NEBL: variants seen among roughly 807,000 people sequenced by gnomAD.
NEBL encodes the protein nebulette.
In NEBL, 122 loss-of-function variants were observed where a neutral mutation model predicts 140.2. The ratio of observed to expected loss-of-function variants is 0.87; its 90% CI spans 0.75 to 1.01. The LOEUF is 1.01. Ranked by LOEUF, NEBL falls within the 50% of genes least tolerant of loss-of-function variation. NEBL has a pLI of 0.00. For synonymous variants in NEBL, 436 were observed against 398.9 expected (o/e 1.09, Z -1.11); for missense variants, 1,365 against 1,231.3 (o/e 1.11, Z -1.62).
intron 2 of NEBL, among the ~76,000 whole-genome samples, chr10:21,151,054 C>T (rs8181308): frequency 0.04 from 6,063 of 152,076 alleles, 245 homozygotes; most frequent in East Asian, 0.2. Flanking sequence ...AAGGCAGAGA[C>T]GGGAAGGATG....
intron 2 of NEBL, among the ~76,000 whole-genome samples, chr10:21,033,020 C>T (rs1239742646): frequency 6.6e-6 from 1 of 152,182 alleles, no homozygotes; most frequent in African/African-American, 2.4e-5. Flanking sequence ...TACACACACA[C>T]ACACACCTAC....
At chr10:21,026,040 T>C (rs1301256619) in intron 2 of NEBL, among the ~76,000 whole-genome samples, 1 of 152,242 alleles carries the variant, frequency 6.6e-6, no homozygotes, top group Non-Finnish European at 1.5e-5. Flanking sequence ...AAAATATTCC[T>C]GGTTCTCTCA....
chr10:20,892,434 G>T (rs1214420345), intron 2 of NEBL, among the ~76,000 whole-genome samples: 2 of 152,202 alleles, frequency 1.3e-5, no homozygotes, highest in African/African-American at 2.4e-5. Flanking sequence ...CTGGGAGACT[G>T]ATAACACCCA....
chr10:21,062,283 G>C (rs540821676), intron 2 of NEBL, among the ~76,000 whole-genome samples: 151 of 152,160 alleles, frequency 9.9e-4, no homozygotes, highest in Non-Finnish European at 1.8e-3. Flanking sequence ...GTTAAGGGGA[G>C]GGGAAAGAAG....
chr10:21,013,104 C>A (rs765469783), intron 3 of NEBL, among the ~76,000 whole-genome samples: 4 of 152,122 alleles, frequency 2.6e-5, no homozygotes, highest in Non-Finnish European at 5.9e-5. Flanking sequence ...GGGTGGGGAT[C>A]TGACTTATGG....
At chr10:20,824,050 G>A (rs1839610099) in intron 18 of NEBL, among the ~76,000 whole-genome samples, 1 of 152,138 alleles carries the variant, frequency 6.6e-6, no homozygotes, top group Non-Finnish European at 1.5e-5. Flanking sequence ...CAAGCATACA[G>A]TTATGCACGG....
intron 2 of NEBL, among the ~76,000 whole-genome samples, chr10:21,021,999 G>A (rs1038717766): frequency 2.6e-5 from 4 of 152,072 alleles, no homozygotes; most frequent in African/African-American, 9.7e-5. Flanking sequence ...AACATTCAGC[G>A]GCCTCTTATG....
chr10:20,809,464 A>C (rs796912377), intron 25 of NEBL, among the ~76,000 whole-genome samples: 68 of 152,284 alleles, frequency 4.5e-4, no homozygotes, highest in African/African-American at 1.5e-3. Context: ...TCTACCTTTA[A>C]AAAATTATAA....
In NEBL at chr10:20,796,264, G is replaced by A. The variant is rs141612777; in HGVS notation, c.2762-8956C>T. Among the ~76,000 whole-genome samples, 377 of 148,516 alleles carry A rather than the reference G, an allele frequency of 2.5e-3. 9 individuals carry two copies. The East Asian group carries it at 0.068, about 27-fold the overall frequency. ...CGTTATCCCAGCTTCTCAGGAGGCT[G>A]AGGAGAATCGCTTGAACCCAGGAGG... On this transcript the variant is annotated intron_variant, in intron 26 of 27. Coordinates refer to ENST00000377122, the MANE Select transcript of NEBL (RefSeq NM_006393.3).
At chr10:21,264,751 T>TTGTTA (rs1172713344) in intron 1 of NEBL, among the ~76,000 whole-genome samples, 1 of 141,698 alleles carries the variant, frequency 7.1e-6, no homozygotes, top group Non-Finnish European at 1.5e-5. Context: ...ACTGGGTAAT[T>TTGTTA]TGTTAACATG....
chr10:20,823,771 A>C (rs1028017267), intron 18 of NEBL, among the ~76,000 whole-genome samples: 2 of 152,154 alleles, frequency 1.3e-5, no homozygotes, highest in African/African-American at 4.8e-5. Flanking sequence ...GAAATAAATA[A>C]GGAAATAAGG....
chr10:21,008,125 A>G (rs1838206380), intron 3 of NEBL, among the ~76,000 whole-genome samples: 1 of 152,172 alleles, frequency 6.6e-6, no homozygotes, highest in African/African-American at 2.4e-5. Flanking sequence ...ATATTATTAT[A>G]TACGTGTGTG....
intron 2 of NEBL, among the ~76,000 whole-genome samples, chr10:21,122,891 C>T (rs1838644478): frequency 6.6e-6 from 1 of 152,168 alleles, no homozygotes; most frequent in African/African-American, 2.4e-5. Context: ...TCCTAGTTTT[C>T]CTCCAGTGAA....
At chr10:20,853,624 C>T (rs918264046) in intron 9 of NEBL, among the ~76,000 whole-genome samples, 2 of 151,816 alleles carry the variant, frequency 1.3e-5, no homozygotes, top group African/African-American at 4.9e-5. Flanking sequence ...CCCAGTTCTA[C>T]AAAAAATAAA....
intron 3 of NEBL, among the ~76,000 whole-genome samples, chr10:21,211,991 TTCTC>T (rs1229305829): frequency 6.6e-6 from 1 of 151,284 alleles, no homozygotes; most frequent in Non-Finnish European, 1.5e-5. Context: ...AATCACTCAA[TTCTC>T]TCTCTCTCTT....
intron 4 of NEBL, among the ~76,000 whole-genome samples, chr10:20,907,776 T>C (rs1166878178): frequency 2.6e-5 from 4 of 152,154 alleles, no homozygotes; most frequent in Non-Finnish European, 5.9e-5. Context: ...AAAAACACAG[T>C]ATTTCTGATT....
intron 4 of NEBL, among the ~76,000 whole-genome samples, chr10:20,920,581 C>T (rs916008323): frequency 1.3e-5 from 2 of 151,962 alleles, no homozygotes; most frequent in African/African-American, 2.4e-5. Flanking sequence ...AGAATATATG[C>T]TATATGAACA....
At chr10:21,289,385 A>G (rs1275002625) in intron 1 of NEBL, among the ~76,000 whole-genome samples, 3 of 152,166 alleles carry the variant, frequency 2.0e-5, no homozygotes, top group Non-Finnish European at 4.4e-5. Context: ...TTTGATGTCA[A>G]TTTCAACCCA....
intron 3 of NEBL, among the ~76,000 whole-genome samples, chr10:21,212,497 A>G (rs950397784): frequency 6.6e-6 from 1 of 152,236 alleles, no homozygotes; most frequent in South Asian, 2.1e-4. Context: ...GATGGAAGGA[A>G]TAAACCAACA....
Sources: gnomAD v4.1 joint callset for allele counts (sites outside exome capture counted in the v4.1 genomes callset) on GRCh38, gnomAD v4.1.1 for gene constraint, MANE v1.5 for transcripts, NCBI Gene and HGNC (gene_info 2026-07-23, HGNC 2026-07-21) for gene names.